SEC22C: variants seen among roughly 807,000 people sequenced by gnomAD.
SEC22C encodes the protein SEC22 homolog C, vesicle trafficking protein.
SEC22C carries 29 observed loss-of-function variants against 34.7 expected under a neutral mutation model. The observed-to-expected ratio is 0.84, with a 90% confidence interval of 0.62 to 1.14. SEC22C has a LOEUF of 1.14. Ranked by LOEUF, SEC22C falls within the 50% of genes most tolerant of loss-of-function variation. The pLI is 0.00. For missense variants in SEC22C, 337 were observed against 369.0 expected, an observed-to-expected ratio of 0.91 and a Z score of 0.71; for synonymous variants, 117 against 132.8, an observed-to-expected ratio of 0.88 and a Z score of 0.82.
chr3:42,584,987 G>A (rs1403693570), upstream of SEC22C, among the ~76,000 whole-genome samples: 3 of 152,160 alleles, frequency 2.0e-5, no homozygotes, highest in South Asian at 2.1e-4. Flanking sequence ...AAATTAGCCG[G>A]GCGTGATGGT....
At chr3:42,595,522 T>C (rs1705002881) in intron 1 of SEC22C, among the ~76,000 whole-genome samples, 1 of 152,236 alleles carries the variant, frequency 6.6e-6, no homozygotes, top group South Asian at 2.1e-4. Context: ...ACCTGACTTT[T>C]AAGTTCCCAA....
chr3:42,578,617 T>C (rs1241592152), intron 1 of SEC22C, among the ~76,000 whole-genome samples: 1 of 152,036 alleles, frequency 6.6e-6, no homozygotes, highest in African/African-American at 2.4e-5. Context: ...ACTAGAATTA[T>C]ATAATATGTA....
intron 1 of SEC22C, among the ~76,000 whole-genome samples, chr3:42,590,126 A>C (rs186065852): frequency 3.3e-5 from 5 of 152,222 alleles, no homozygotes; most frequent in African/African-American, 4.8e-5. Flanking sequence ...CCTGCCCCAA[A>C]TAAGTCCAGG....
At chr3:42,577,450 G>T (rs2125723823) in intron 1 of SEC22C, among the ~76,000 whole-genome samples, 1 of 151,998 alleles carries the variant, frequency 6.6e-6, no homozygotes, top group East Asian at 1.9e-4. Context: ...TTTTAAAATG[G>T]GAAAAACACA....
intron 4 of SEC22C, among the ~76,000 whole-genome samples, chr3:42,560,122 A>C (rs11129966): frequency 0.32 from 26,108 of 82,588 alleles, 2,371 homozygotes; most frequent in East Asian, 0.46. Context: ...CTCTCTCTCT[A>C]TATATATATA....
At chr3:42,590,812 G>T in intron 1 of SEC22C, 4 of 1,373,888 alleles carry the variant, frequency 2.9e-6, no homozygotes, top group Non-Finnish European at 3.1e-6. Context: ...CCTGTAGGCG[G>T]GAGCATCCAA....
At chr3:42,568,363 C>T (rs1336740417) in intron 2 of SEC22C, among the ~76,000 whole-genome samples, 4 of 152,028 alleles carry the variant, frequency 2.6e-5, no homozygotes, top group Admixed American at 6.6e-5. Context: ...GGAGCAGCCA[C>T]GGCTGGGTGC....
chr3:42,561,969 C>CCTGATTAACTG (rs1400700122), intron 3 of SEC22C, among the ~76,000 whole-genome samples: 1 of 148,874 alleles, frequency 6.7e-6, no homozygotes, highest in Non-Finnish European at 1.5e-5. Flanking sequence ...AAAATGGAGA[C>CCTGATTAACTG]AGTTATTCCT....
At position 42,548,783 on chromosome 3, in the gene SEC22C, A is replaced by T. The variant is rs1577276757; in HGVS notation, c.*4465T>A. The T allele has an allele frequency of 2.0e-6, 3 of 1,519,456 alleles. No individual in the cohort carries two copies. In the East Asian group the frequency reaches 7.0e-5, roughly 35 times the overall value. 94.1% of individuals were successfully genotyped at this position (1,519,456 alleles called of 1,614,324 possible). A position where few individuals can be genotyped will look rare whatever the true frequency, so the allele number is the denominator to read the frequency against. On this transcript the variant is annotated 3_prime_UTR_variant, in exon 7 of 7. Coordinates refer to ENST00000264454, the MANE Select transcript of SEC22C (RefSeq NM_032970.4). ...AAAAAAATGAGGTTTACACTGTAGTATAACAAAATGCCTTTTTGTAAAGGC... is the reference window on the plus strand; with the variant it reads ...AAAAAAATGAGGTTTACACTGTAGTTTAACAAAATGCCTTTTTGTAAAGGC...
chr3:42,574,363 C>CAAAAAAAAAAAAAAAAAAAAAAAAAAAA (rs202174342), intron 1 of SEC22C, among the ~76,000 whole-genome samples: 1 of 87,896 alleles, frequency 1.1e-5, no homozygotes, highest in Non-Finnish European at 2.2e-5. Flanking sequence ...GACCCTGTCT[C>CAAAAAAAAAAAAAAAAAAAAAAAAAAAA]AAAAAAAAAA....
intron 1 of SEC22C, among the ~76,000 whole-genome samples, chr3:42,596,649 AAATTGC>A (rs1385811905): frequency 6.6e-6 from 1 of 152,258 alleles, no homozygotes; most frequent in African/African-American, 2.4e-5. Context: ...ATCACAGACC[AAATTGC>A]ATACTTTTAT....
intron 1 of SEC22C, among the ~76,000 whole-genome samples, chr3:42,576,295 A>G (rs1403095475): frequency 6.6e-6 from 1 of 152,196 alleles, no homozygotes; most frequent in African/African-American, 2.4e-5. Flanking sequence ...AAGTCAAGAA[A>G]TTAGAAGAAG....
upstream of SEC22C, among the ~76,000 whole-genome samples, chr3:42,584,574 A>T (rs1311034678): frequency 6.6e-6 from 1 of 152,204 alleles, no homozygotes; most frequent in East Asian, 1.9e-4. Flanking sequence ...GACTTTTGAA[A>T]GTCAGCATCA....
chr3:42,548,696 T>C lies in SEC22C; in HGVS notation c.*4552A>G. 1 of 1,613,706 alleles carries C rather than the reference T, an allele frequency of 6.2e-7. No individual in the cohort carries two copies. The highest frequency in any genetic ancestry group is 8.5e-7 in the Non-Finnish European group (1 of 1,179,766). ...AACATCAATGGTACCATGCGCTCTG[T>C]GCCCAGGGAGTGAAAGGCAGGTCCA... On this transcript the variant is annotated 3_prime_UTR_variant, in exon 7 of 7. Transcript: ENST00000264454.
In SEC22C at chr3:42,548,725, T is replaced by G; in HGVS notation, c.*4523A>C. 1.2e-6 allele frequency: 2 copies of G among 1,609,634 alleles called. No homozygotes were observed. Among genetic ancestry groups the G allele is most frequent in the Non-Finnish European group, 1.7e-6 (2 of 1,176,898 alleles). On this transcript the variant is annotated 3_prime_UTR_variant, in exon 7 of 7. Transcript: ENST00000264454. ...CAGGGAGTGAAAGGCAGGTCCAGGG[T>G]GGGAAGAAGAGGGGCTGCTACCTTT...
chr3:42,569,936 T>G (rs1297621132), intron 1 of SEC22C, among the ~76,000 whole-genome samples: 2 of 152,226 alleles, frequency 1.3e-5, no homozygotes, highest in African/African-American at 4.8e-5. Context: ...GGGCATAACC[T>G]GTACATCTGT....
chr3:42,597,043 C>T (rs1375223073), intron 1 of SEC22C, among the ~76,000 whole-genome samples: 3 of 152,166 alleles, frequency 2.0e-5, no homozygotes. Flanking sequence ...CTTTATCAAA[C>T]TATTTCATCT....
At chr3:42,580,489 A>G (rs943363762) in intron 1 of SEC22C, 2 of 152,222 alleles carry the variant, frequency 1.3e-5, no homozygotes, top group African/African-American at 4.8e-5. Context: ...TGTAGATTCT[A>G]TTAAGGCTCC....
chr3:42,548,477 A>G lies in SEC22C; in HGVS notation c.*4771T>C. ...CACATGGGCAGATGTTTCCGAATCC[A>G]GCCATTCCCAGATTTCACTGACATG... On this transcript the variant is annotated 3_prime_UTR_variant, in exon 7 of 7. Transcript: ENST00000264454. The G allele has an allele frequency of 1.1e-6, 1 of 936,306 alleles. No individual in the cohort carries two copies. Among genetic ancestry groups the G allele is most frequent in the East Asian group, 2.6e-5 (1 of 38,386 alleles). The allele number at this position is 936,306 out of a possible 1,614,324, so 58.0% of individuals were successfully genotyped here.
Sources: gnomAD v4.1 joint callset for allele counts (sites outside exome capture counted in the v4.1 genomes callset) on GRCh38, gnomAD v4.1.1 for gene constraint, MANE v1.5 for transcripts, NCBI Gene and HGNC (gene_info 2026-07-23, HGNC 2026-07-21) for gene names.